The following ANO2 variants were observed in gnomAD, a reference collection of about 807,000 sequenced individuals.
ANO2 encodes the protein anoctamin-2.
Under a neutral mutation model 124.2 loss-of-function variants are expected in ANO2, and 101 were observed. The observed-to-expected ratio is 0.81, with a 90% CI of 0.69 to 0.96. The LOEUF (loss-of-function observed/expected upper bound fraction) is 0.96. Ranked by LOEUF, ANO2 falls within the 40% of genes least tolerant of loss-of-function variation. The pLI, the probability that ANO2 is intolerant of heterozygous loss-of-function variation, is 0.00. For missense variants in ANO2, 1,293 were observed against 1,274.5 expected (o/e 1.01, Z -0.22); for synonymous variants, 486 against 482.5 (o/e 1.01, Z -0.09).
In ANO2 at chr12:5,794,947, C is replaced by T. The variant is rs553775955; in HGVS notation, c.1055+4560G>A. Among the ~76,000 whole-genome samples, 13 of 152,340 alleles carry T rather than the reference C, an allele frequency of 8.5e-5. No individual in the cohort carries two copies. In the South Asian group the frequency reaches 2.7e-3, roughly 32 times the overall value. On this transcript the variant is annotated intron_variant, in intron 10 of 24. Transcript: ENST00000682330. ...TCCTCTAACCCAGCTGTGGCCTGGC[C>T]AGTCCTTCCCCAGCCTGGCCTGCTG...
chr12:5,874,363 C>G (rs1937945910), intron 3 of ANO2, among the ~76,000 whole-genome samples: 1 of 152,196 alleles, frequency 6.6e-6, no homozygotes, highest in Non-Finnish European at 1.5e-5. Context: ...AAGTCACGTC[C>G]CTTCCTCTCC....
At chr12:5,827,665 T>G in intron 7 of ANO2, 104 bp downstream of exon 7, 1 of 1,350,430 alleles carries the variant, frequency 7.4e-7, no homozygotes, top group Non-Finnish European at 1.0e-6. Context: ...GGGGGGCATT[T>G]GCTTGTTTTG....
At chr12:5,592,522 T>C (rs1192038725) in intron 20 of ANO2, among the ~76,000 whole-genome samples, 6 of 152,152 alleles carry the variant, frequency 3.9e-5, no homozygotes, top group Non-Finnish European at 7.3e-5. Context: ...AAGAGCCAGC[T>C]TGGGATGACC....
At position 5,922,776 on chromosome 12, in the gene ANO2, G is replaced by C; in HGVS notation, c.51C>G (p.Arg17=). Residue 17 remains arginine, a synonymous_variant, in exon 2 of 25, where the codon CGC becomes CGG. Coordinates refer to ENST00000682330, the MANE Select transcript of ANO2 (RefSeq NM_001364791.2). ...RDIPLLPGSP[R]RLSPQAGSRG... is the part of the protein sequence containing the mutation. ...TGGACCCTGCCTGAGGGCTCAGCCG[G>C]CGTGGGGAGCCAGGGAGCAGGGGTA... 1 of 1,543,358 alleles carries C rather than the reference G, an allele frequency of 6.5e-7. No homozygotes were observed. Among genetic ancestry groups the C allele is most frequent in the South Asian group, 1.2e-5 (1 of 81,798 alleles).
chr12:5,599,431 A>C, intron 20 of ANO2, 53 bp downstream of exon 20: 1 of 1,554,254 alleles, frequency 6.4e-7, no homozygotes, highest in Non-Finnish European at 8.6e-7. Flanking sequence ...TCAACCCCAC[A>C]GACCCCTTGT....
At chr12:5,684,337 G>A (rs1277851485) in intron 14 of ANO2, among the ~76,000 whole-genome samples, 2 of 152,186 alleles carry the variant, frequency 1.3e-5, no homozygotes, top group Non-Finnish European at 2.9e-5. Context: ...CCTGCCATGG[G>A]CTTGACACAG....
chr12:5,808,390 T>C (rs1029784273), intron 7 of ANO2, among the ~76,000 whole-genome samples: 13 of 152,194 alleles, frequency 8.5e-5, no homozygotes, highest in Middle Eastern at 3.2e-3. Flanking sequence ...TCAGAGACTA[T>C]AAAGTGGTCT....
At position 5,598,060 on chromosome 12, in the gene ANO2, C is replaced by T. The variant is rs577390625; in HGVS notation, c.2233+1424G>A. ...CAGGGCTAGGACAATATTTCCATGGCCGTCTGATCTAGACCCTGCCCATTA... is the reference window on the plus strand; with the variant it reads ...CAGGGCTAGGACAATATTTCCATGGTCGTCTGATCTAGACCCTGCCCATTA... On this transcript the variant is annotated intron_variant, in intron 20 of 24. Transcript: ENST00000682330. 3.3e-5 allele frequency among the ~76,000 whole-genome samples: 5 copies of T among 152,292 alleles called. No individual in the cohort carries two copies. The East Asian group carries it at 9.6e-4, about 29-fold the overall frequency.
chr12:5,705,135 T>C (rs768385330), intron 14 of ANO2, among the ~76,000 whole-genome samples: 3 of 152,230 alleles, frequency 2.0e-5, no homozygotes, highest in African/African-American at 7.2e-5. Context: ...ATATAGGATA[T>C]GTTTTATGGG....
chr12:5,583,229 C>T (rs1255243430), intron 20 of ANO2, among the ~76,000 whole-genome samples: 5 of 152,208 alleles, frequency 3.3e-5, no homozygotes, highest in Admixed American at 3.3e-4. Flanking sequence ...GAGAGGTAGA[C>T]ATGAAGTATG....
chr12:5,801,780 T>C (rs1169436254), intron 9 of ANO2, among the ~76,000 whole-genome samples: 3 of 152,246 alleles, frequency 2.0e-5, no homozygotes, highest in Non-Finnish European at 4.4e-5. Context: ...TCATGAGCAC[T>C]GCTCCTGCTC....
At chr12:5,650,304 G>A (rs1018491367) in intron 14 of ANO2, among the ~76,000 whole-genome samples, 3 of 152,170 alleles carry the variant, frequency 2.0e-5, no homozygotes, top group African/African-American at 4.8e-5. Context: ...TAACTAAAAA[G>A]CAACCAAATT....
rs61908424 is a variant in ANO2 at position 5,923,093 on chromosome 12, C to T, written c.23-289G>A. On this transcript the variant is annotated intron_variant, in intron 1 of 24. Transcript: ENST00000682330. ...ACACATGCACACATACACACACACA[C>T]GCACACACATACACACACATGCACG... is the stretch of plus-strand genomic sequence containing the variant. Among the ~76,000 whole-genome samples the T allele has an allele frequency of 2.6e-3, 36 of 13,636 alleles. 6 individuals carry two copies. Among genetic ancestry groups the T allele is most frequent in the East Asian group, 0.091 (2 of 22 alleles). The allele number at this position is 13,636 out of a possible 152,430, so 8.9% of individuals were successfully genotyped here.
At chr12:5,788,655 T>C (rs1952610741) in intron 10 of ANO2, among the ~76,000 whole-genome samples, 1 of 152,172 alleles carries the variant, frequency 6.6e-6, no homozygotes, top group Non-Finnish European at 1.5e-5. Context: ...GCCTCCAGGG[T>C]TCGAGCAACT....
At chr12:5,647,643 T>C (rs1946711360) in intron 15 of ANO2, 84 bp downstream of exon 15, 2 of 1,098,204 alleles carry the variant, frequency 1.8e-6, no homozygotes, top group East Asian at 2.6e-5. Flanking sequence ...ATTATTTCCA[T>C]AGCAGAATAT....
intron 10 of ANO2, among the ~76,000 whole-genome samples, chr12:5,794,454 G>C (rs1473983814): frequency 6.6e-6 from 1 of 152,228 alleles, no homozygotes; most frequent in African/African-American, 2.4e-5. Flanking sequence ...TCAGTCATTA[G>C]TATCAGGCTA....
rs1321021011 is a variant in ANO2 at position 5,806,098 on chromosome 12, G to A, written c.949-5C>T. The A allele has an allele frequency of 5.6e-6, 9 of 1,612,894 alleles. No individual in the cohort carries two copies. The highest frequency in any genetic ancestry group is 1.3e-5 in the African/African-American group (1 of 74,852). On this transcript the variant is annotated splice_region_variant and splice_polypyrimidine_tract_variant and intron_variant, in intron 8 of 24. Coordinates refer to ENST00000682330, the MANE Select transcript of ANO2 (RefSeq NM_001364791.2). ...CTCTGGACTATCGTATTCACCCTGT[G>A]GAGAAAAAGTGATGCTGGATAAAGC...
At chr12:5,867,695 C>CT (rs1180841790) in intron 3 of ANO2, among the ~76,000 whole-genome samples, 1 of 143,278 alleles carries the variant, frequency 7.0e-6, no homozygotes, top group East Asian at 2.1e-4. Context: ...TGAATAAAGG[C>CT]TATCGAATTA....
At chr12:5,824,922 C>T (rs1374650632) in intron 7 of ANO2, among the ~76,000 whole-genome samples, 13 of 152,052 alleles carry the variant, frequency 8.5e-5, no homozygotes, top group African/African-American at 1.9e-4. Flanking sequence ...CATCAGATCT[C>T]GTGAGACTTA....
Sources: gnomAD v4.1 joint callset for allele counts (sites outside exome capture counted in the v4.1 genomes callset) on GRCh38, gnomAD v4.1.1 for gene constraint, MANE v1.5 for transcripts, NCBI Gene and HGNC (gene_info 2026-07-23, HGNC 2026-07-21) for gene names.